Variants in CDV3 observed in about 807,000 individuals in gnomAD.
The protein encoded by CDV3 is protein CDV3 homolog.
In CDV3, 14 loss-of-function variants were observed where a neutral mutation model predicts 24.5. The ratio of observed to expected loss-of-function variants is 0.57; its 90% CI spans 0.38 to 0.89. The LOEUF (loss-of-function observed/expected upper bound fraction) is 0.89. Ranked by LOEUF, CDV3 falls within the 40% of genes least tolerant of loss-of-function variation. The pLI is 0.00. For missense variants in CDV3, 304 were observed against 310.2 expected (o/e 0.98, Z 0.15); for synonymous variants, 114 against 114.1 (o/e 1.00, Z 0.00).
At position 133,588,399 on chromosome 3, in the gene CDV3, A is replaced by G. The variant is rs543876696; in HGVS notation, c.*353A>G. On this transcript the variant is annotated 3_prime_UTR_variant, in exon 5 of 5. Coordinates refer to ENST00000264993, the MANE Select transcript of CDV3 (RefSeq NM_017548.5). The stretch of plus-strand genomic sequence containing the variant: ...TGACTACCTCAGATTTGCTGCACTC[A>G]TTGTGGACTTCATGTGGATCACAAC... 5.8e-5 allele frequency: 89 copies of G among 1,529,244 alleles called. No individual in the cohort carries two copies. In the African/African-American group the frequency reaches 1.1e-3, roughly 18 times the overall value. The allele number at this position is 1,529,244 out of a possible 1,614,324, so 94.7% of individuals were successfully genotyped here.
intron 1 of CDV3, chr3:133,574,597 C>G: frequency 1.0e-6 from 1 of 1,001,146 alleles, no homozygotes; most frequent in South Asian, 4.0e-5. Flanking sequence ...TATCGGGTGA[C>G]GTCTAGGCTG....
Position 133,586,558 on chromosome 3 carries a change from A to G in CDV3, c.467-5A>G, listed in dbSNP as rs1457475651. 8 of 1,497,834 alleles carry G rather than the reference A, an allele frequency of 5.3e-6. No homozygotes were observed. Among genetic ancestry groups the G allele is most frequent in the Non-Finnish European group, 7.4e-6 (8 of 1,087,994 alleles). The allele number at this position is 1,497,834 out of a possible 1,614,324, so 92.8% of individuals were successfully genotyped here. ...GTTTATCTAAAAATTGTTATAAAAT[A>G]TTAGTTACAGAAACCCCAGAACCAG... On this transcript the variant is annotated splice_region_variant and splice_polypyrimidine_tract_variant and intron_variant, in intron 3 of 4. Transcript: ENST00000264993.
In CDV3 at chr3:133,574,222, G is replaced by A. The variant is rs1576629915; in HGVS notation, c.178G>A (p.Asp60Asn). The A allele has an allele frequency of 1.0e-6, 1 of 997,824 alleles. No individual in the cohort carries two copies. Among genetic ancestry groups the A allele is most frequent in the South Asian group, 4.5e-5 (1 of 22,264 alleles). The allele number at this position is 997,824 out of a possible 1,614,324, so 61.8% of individuals were successfully genotyped here. A position where few individuals can be genotyped will look rare whatever the true frequency, so the allele number is the denominator to read the frequency against. Residue 60 changes from aspartate (D) to asparagine (N), a missense_variant, in exon 1 of 5, where the codon GAC becomes AAC. This residue lies in a region of CDV3 where 219 missense variants were observed against 203.6 expected (regional missense o/e 1.08). Coordinates refer to ENST00000264993, the MANE Select transcript of CDV3 (RefSeq NM_017548.5). ...GGAGAGTRPGDGGTASAGAAG... is the reference protein window; with the variant it reads ...GGAGAGTRPGNGGTASAGAAG... ...GGCGGGCGCGGGGACCCGGCCGGGT[G>A]ACGGCGGGACCGCCAGCGCGGGGGC...
chr3:133,583,093 T>C (rs1933212864), intron 2 of CDV3, among the ~76,000 whole-genome samples: 1 of 152,220 alleles, frequency 6.6e-6, no homozygotes, highest in Non-Finnish European at 1.5e-5. Context: ...AGTCTTAAGA[T>C]GGTATGTTAC....
rs369631955 is a variant in CDV3, at chr3:133,588,056, T to C, written c.*10T>C. ...CTCACAATACAATTAAGGAATGGGCTTTGCTAACCCTTCTGAGGTAACTAG... is the reference window on the plus strand; with the variant it reads ...CTCACAATACAATTAAGGAATGGGCCTTGCTAACCCTTCTGAGGTAACTAG... On this transcript the variant is annotated 3_prime_UTR_variant, in exon 5 of 5. Transcript: ENST00000264993. 4 of 1,610,196 alleles carry C rather than the reference T, an allele frequency of 2.5e-6. No homozygotes were observed. The African/African-American group carries it at 5.4e-5, about 22-fold the overall frequency.
intron 3 of CDV3, among the ~76,000 whole-genome samples, chr3:133,585,736 T>G (rs1392611968): frequency 6.6e-6 from 1 of 152,146 alleles, no homozygotes; most frequent in Non-Finnish European, 1.5e-5. Context: ...CCTCAGGTGA[T>G]CTGCCTGCCT....
At chr3:133,574,675 G>T in intron 1 of CDV3, 1 of 1,035,452 alleles carries the variant, frequency 9.7e-7, no homozygotes, top group Non-Finnish European at 1.2e-6. Flanking sequence ...AGCCGCATTT[G>T]TAGCAGCTCT....
At chr3:133,583,656 G>A (rs562464904) in intron 2 of CDV3, among the ~76,000 whole-genome samples, 4 of 152,120 alleles carry the variant, frequency 2.6e-5, no homozygotes, top group Non-Finnish European at 4.4e-5. Context: ...TCTGCCTTCC[G>A]GGTTCAAGGG....
intron 2 of CDV3, among the ~76,000 whole-genome samples, chr3:133,582,646 T>TA (rs1425402504): frequency 1.3e-5 from 2 of 152,186 alleles, no homozygotes; most frequent in Non-Finnish European, 2.9e-5. Context: ...GTTATACAGT[T>TA]AAGAGAGTCA....
intron 2 of CDV3, among the ~76,000 whole-genome samples, chr3:133,576,950 C>T (rs2074838515): frequency 1.4e-5 from 2 of 146,070 alleles, no homozygotes; most frequent in Non-Finnish European, 3.0e-5. Flanking sequence ...TGGTTTCAAG[C>T]GATTCTTCTG....
intron 3 of CDV3, among the ~76,000 whole-genome samples, chr3:133,586,288 G>C (rs1304032624): frequency 6.6e-6 from 1 of 152,006 alleles, no homozygotes; most frequent in Non-Finnish European, 1.5e-5. Context: ...TAGAGACAGG[G>C]TTTCATCATG....
At position 133,589,808 on chromosome 3, in the gene CDV3, A is replaced by T. The variant is rs542735937; in HGVS notation, c.*1762A>T. The T allele has an allele frequency of 6.6e-6, 1 of 152,434 alleles. No individual in the cohort carries two copies. The highest frequency in any genetic ancestry group is 2.1e-4 in the South Asian group (1 of 4,828). 9.4% of individuals were successfully genotyped at this position (152,434 alleles called of 1,614,324 possible). A position where few individuals can be genotyped will look rare whatever the true frequency, so the allele number is the denominator to read the frequency against. On this transcript the variant is annotated 3_prime_UTR_variant, in exon 5 of 5. Transcript: ENST00000264993. ...GCAGGCAGGATGCCTGCCTTCTAAT[A>T]TATTTGGGTGAGTAACTGAGCCAGC... is the stretch of plus-strand genomic sequence containing the variant.
At chr3:133,585,865 A>G (rs1398814856) in intron 3 of CDV3, among the ~76,000 whole-genome samples, 1 of 152,218 alleles carries the variant, frequency 6.6e-6, no homozygotes, top group Non-Finnish European at 1.5e-5. Context: ...TGGCATCTTA[A>G]TCAGTCCACC....
chr3:133,587,876 TTACA>T lies in CDV3; in HGVS notation c.627-18_627-15del. 1 of 1,579,798 alleles carries T rather than the reference TTACA, an allele frequency of 6.3e-7. No homozygotes were observed. Among genetic ancestry groups the T allele is most frequent in the Non-Finnish European group, 8.6e-7 (1 of 1,166,722 alleles). On this transcript the variant is annotated splice_polypyrimidine_tract_variant and intron_variant, in intron 4 of 4. Coordinates refer to ENST00000264993, the MANE Select transcript of CDV3 (RefSeq NM_017548.5). ...CTAGTGAAGAAGAAATATTTACTGA[TTACA>T]TTTCTTTTCCCTTAGGGATAAAGAA...
In CDV3 at chr3:133,579,924, TGTTTA is replaced by T. The variant is rs565913570; in HGVS notation, c.318-4071_318-4067del. ...GAGTCTTGACTAGACAATTTCCACA[TGTTTA>T]GTTTAGCTAGTATTTCAGAATCTTA... On this transcript the variant is annotated intron_variant, in intron 2 of 4. Transcript: ENST00000264993. Among the ~76,000 whole-genome samples the T allele has an allele frequency of 1.4e-4, 22 of 152,298 alleles. No homozygotes were observed. The East Asian group carries it at 3.7e-3, about 25-fold the overall frequency.
At chr3:133,586,494 A>G (rs1372211310) in intron 3 of CDV3, 69 bp from the exon 4 acceptor site, 11 of 782,118 alleles carry the variant, frequency 1.4e-5, no homozygotes, top group Non-Finnish European at 2.1e-5. Context: ...ATGATTGGGA[A>G]TGCAAGAATA....
At chr3:133,582,162 A>AT (rs1933104245) in intron 2 of CDV3, among the ~76,000 whole-genome samples, 1 of 151,840 alleles carries the variant, frequency 6.6e-6, no homozygotes, top group Non-Finnish European at 1.5e-5. Flanking sequence ...ATTATTTTTT[A>AT]TTTTTTATTT....
At chr3:133,575,146 A>AC (rs1398451244) in intron 2 of CDV3, 31 bp downstream of exon 2, 2 of 1,183,254 alleles carry the variant, frequency 1.7e-6, no homozygotes, top group Non-Finnish European at 2.5e-6. Context: ...TGTTTAGATA[A>AC]CCTTTGGGAT....
intron 4 of CDV3, chr3:133,587,081 T>C (rs1933681274): frequency 1.4e-6 from 1 of 722,752 alleles, no homozygotes; most frequent in Non-Finnish European, 2.1e-6. Flanking sequence ...CGCTGTTTAA[T>C]TGTATTCCCA....
Sources: gnomAD v4.1 joint callset for allele counts (sites outside exome capture counted in the v4.1 genomes callset) on GRCh38, gnomAD v4.1.1 for gene constraint, gnomAD v4.1.1 regional missense constraint, MANE v1.5 for transcripts, NCBI Gene and HGNC (gene_info 2026-07-23, HGNC 2026-07-21) for gene names.